Variants in CDH8 observed in about 807,000 individuals in gnomAD.
CDH8 encodes cadherin 8, also known as cadherin-8.
In CDH8, 17 loss-of-function variants were observed where a neutral mutation model predicts 68.1. That is an observed-to-expected ratio of 0.25 (90% CI 0.17 to 0.37). The LOEUF is 0.37. CDH8 is among the 10% of genes least tolerant of loss of function. The pLI is 1.00. For missense variants in CDH8, 763 were observed against 999.3 expected (o/e 0.76, Z 3.19); for synonymous variants, 372 against 365.1 (o/e 1.02, Z -0.21).
intron 10 of CDH8, among the ~76,000 whole-genome samples, chr16:61,680,972 C>T (rs1964001957): frequency 6.6e-6 from 1 of 151,694 alleles, no homozygotes; most frequent in African/African-American, 2.4e-5. Flanking sequence ...CCCTTTACAC[C>T]TACTGGAATG....
chr16:61,824,462 A>C (rs931533844), intron 5 of CDH8, among the ~76,000 whole-genome samples: 1 of 151,868 alleles, frequency 6.6e-6, no homozygotes. Flanking sequence ...TCAAATAATT[A>C]TTGTCTCCCT....
chr16:61,987,316 C>T (rs1226731785), intron 2 of CDH8, among the ~76,000 whole-genome samples: 2 of 151,946 alleles, frequency 1.3e-5, no homozygotes, highest in African/African-American at 2.4e-5. Flanking sequence ...CCAGCCTGGC[C>T]GACATGGTAA....
At chr16:62,014,277 T>C (rs916748776) in intron 2 of CDH8, among the ~76,000 whole-genome samples, 1 of 152,330 alleles carries the variant, frequency 6.6e-6, no homozygotes, top group Admixed American at 6.5e-5. Flanking sequence ...TTATTTATAT[T>C]ATTTATATTA....
chr16:61,688,059 G>C (rs1964142627), intron 10 of CDH8, among the ~76,000 whole-genome samples: 1 of 151,944 alleles, frequency 6.6e-6, no homozygotes, highest in African/African-American at 2.4e-5. Context: ...TCTGCATCCA[G>C]AATTTATGTT....
intron 8 of CDH8, among the ~76,000 whole-genome samples, chr16:61,770,542 A>G (rs1475500798): frequency 6.6e-6 from 1 of 151,918 alleles, no homozygotes; most frequent in Non-Finnish European, 1.5e-5. Flanking sequence ...CCATAGCTGA[A>G]TGAAAGAGAC....
chr16:61,653,716 G>A lies in CDH8; in HGVS notation c.2292C>T (p.Ser764=), dbSNP rs1047858506. 2.5e-6 allele frequency: 4 copies of A among 1,614,138 alleles called. No individual in the cohort carries two copies. The highest frequency in any genetic ancestry group is 3.4e-6 in the Non-Finnish European group (4 of 1,180,020). ...AATTCTGGTCTGAGTCTGATGTGGT[G>A]GACTCCAAGGAGCTGAGGGAGCCAG... The part of the protein sequence containing the change: ...SVAGSLSSLE[S]TTSDSDQNFD... Residue 764 remains serine (S), a synonymous_variant, in exon 12 of 12, where the codon TCC becomes TCT. Coordinates refer to ENST00000577390, the MANE Select transcript of CDH8 (RefSeq NM_001796.5).
chr16:61,647,465 A>C lies in CDH8; in HGVS notation c.*6143T>G. ...GTAGTTAAAGCAGAGTAACGTTGGA[A>C]AGGTGGGGGGGGTGATCCCAGTGAC... On this transcript the variant is annotated 3_prime_UTR_variant, in exon 12 of 12. Coordinates refer to ENST00000577390, the MANE Select transcript of CDH8 (RefSeq NM_001796.5). 7.9e-6 allele frequency: 1 copy of C among 127,048 alleles called. No individual in the cohort carries two copies. Among genetic ancestry groups the C allele is most frequent in the Non-Finnish European group, 1.3e-5 (1 of 76,596 alleles). The allele number at this position is 127,048 out of a possible 1,614,324, so 7.9% of individuals were successfully genotyped here.
intron 2 of CDH8, among the ~76,000 whole-genome samples, chr16:61,986,263 T>C (rs562122577): frequency 1.3e-5 from 2 of 152,138 alleles, no homozygotes; most frequent in African/African-American, 4.8e-5. Flanking sequence ...CTCATTCTAA[T>C]AAATGAAGAT....
At chr16:62,017,266 T>C (rs530636803) in intron 2 of CDH8, among the ~76,000 whole-genome samples, 2 of 152,194 alleles carry the variant, frequency 1.3e-5, no homozygotes, top group South Asian at 4.1e-4. Flanking sequence ...TAATAAGGTA[T>C]AGAGTATGTT....
In CDH8 at chr16:61,732,291, A is replaced by G. The variant is rs1043310600; in HGVS notation, c.1415-5076T>C. ...ACAAACTCTAAGTAGGATAAACACA[A>G]AGAGACTCACAGACATATCATATCT... is the stretch of plus-strand genomic sequence containing the variant. On this transcript the variant is annotated intron_variant, in intron 8 of 11. Coordinates refer to ENST00000577390, the MANE Select transcript of CDH8 (RefSeq NM_001796.5). Among the ~76,000 whole-genome samples the G allele has an allele frequency of 4.6e-5, 7 of 151,962 alleles. No homozygotes were observed. In the East Asian group the frequency reaches 1.4e-3, roughly 29 times the overall value.
intron 8 of CDH8, among the ~76,000 whole-genome samples, chr16:61,732,034 A>G (rs1036698778): frequency 6.6e-6 from 1 of 151,716 alleles, no homozygotes; most frequent in Non-Finnish European, 1.5e-5. Flanking sequence ...CAGAAGAAAG[A>G]ATTACTGAAA....
intron 10 of CDH8, among the ~76,000 whole-genome samples, chr16:61,656,899 A>G (rs528276574): frequency 1.3e-5 from 2 of 152,260 alleles, no homozygotes; most frequent in South Asian, 4.2e-4. Flanking sequence ...ATTGTATATA[A>G]TAATTGCTAA....
At chr16:61,689,784 T>C (rs939304708) in intron 10 of CDH8, among the ~76,000 whole-genome samples, 8 of 152,048 alleles carry the variant, frequency 5.3e-5, no homozygotes, top group Admixed American at 6.6e-5. Context: ...TTTCTGAAGA[T>C]TTAAACATAA....
At chr16:61,930,925 T>TA (rs1246825733) in intron 2 of CDH8, among the ~76,000 whole-genome samples, 1 of 152,212 alleles carries the variant, frequency 6.6e-6, no homozygotes, top group Non-Finnish European at 1.5e-5. Flanking sequence ...GCCCAAGAGA[T>TA]AAAATGCAAG....
chr16:61,770,296 A>T (rs1032912418), intron 8 of CDH8, among the ~76,000 whole-genome samples: 4 of 151,882 alleles, frequency 2.6e-5, no homozygotes, highest in Non-Finnish European at 4.4e-5. Flanking sequence ...AATGTTACAG[A>T]TCTAGACATT....
intron 2 of CDH8, among the ~76,000 whole-genome samples, chr16:62,019,962 T>C (rs1902032333): frequency 6.6e-6 from 1 of 152,212 alleles, no homozygotes; most frequent in South Asian, 2.1e-4. Context: ...CTGTGTCTAA[T>C]AGAGCATCTG....
At chr16:61,655,749 T>C (rs1335086174) in intron 10 of CDH8, 28 bp from the exon 11 acceptor site, 1 of 1,603,168 alleles carries the variant, frequency 6.2e-7, no homozygotes, top group Non-Finnish European at 8.5e-7. Flanking sequence ...TACAATAATT[T>C]GCATCATTTC....
intron 2 of CDH8, among the ~76,000 whole-genome samples, chr16:62,000,047 T>G (rs1159787208): frequency 6.6e-6 from 1 of 152,086 alleles, no homozygotes. Context: ...CACTTATAAG[T>G]GAAAACATGT....
chr16:61,665,801 TTCCTTTCCC>T lies in CDH8; in HGVS notation c.1655-10089_1655-10081del, dbSNP rs1567410649. On this transcript the variant is annotated intron_variant, in intron 10 of 11. Coordinates refer to ENST00000577390, the MANE Select transcript of CDH8 (RefSeq NM_001796.5). Reference sequence around the variant, plus strand: ...CTTCCTTCCTTCCTTCCTTCCTTCCTTCCTTTCCCTCCTTCCTTCCTTCTCTCCTTCCCT... The same window carrying T: ...CTTCCTTCCTTCCTTCCTTCCTTCCTTCCTTCCTTCCTTCTCTCCTTCCCT... Among the ~76,000 whole-genome samples, 53 of 135,664 alleles carry T rather than the reference TTCCTTTCCC, an allele frequency of 3.9e-4. 1 individual carries two copies. Among genetic ancestry groups the T allele is most frequent in the African/African-American group, 1.3e-3 (48 of 36,330 alleles). 89.0% of individuals were successfully genotyped at this position (135,664 alleles called of 152,430 possible). A position where few individuals can be genotyped will look rare whatever the true frequency, so the allele number is the denominator to read the frequency against.
Sources: allele counts gnomAD v4.1 joint callset (sites outside exome capture counted in the v4.1 genomes callset), GRCh38; gene constraint gnomAD v4.1.1; transcripts MANE v1.5; gene names NCBI Gene and HGNC (gene_info 2026-07-23, HGNC 2026-07-21).